Variants in MYO1H observed in about 807,000 individuals in gnomAD.
MYO1H encodes unconventional myosin-Ih.
In MYO1H, 118 loss-of-function variants were observed where a neutral mutation model predicts 149.3. The ratio of observed to expected loss-of-function variants is 0.79; its 90% confidence interval spans 0.68 to 0.92. MYO1H has a LOEUF of 0.92. MYO1H is among the 40% of genes least tolerant of loss of function. MYO1H has a pLI of 0.00. For missense variants in MYO1H, 1,212 were observed against 1,280.7 expected (o/e 0.95, Z 0.82); for synonymous variants, 447 against 465.2 (o/e 0.96, Z 0.50).
upstream of MYO1H, among the ~76,000 whole-genome samples, chr12:109,346,503 G>GT (rs1474528547): frequency 6.6e-6 from 1 of 152,234 alleles, no homozygotes; most frequent in Non-Finnish European, 1.5e-5. Context: ...GCCCACACCT[G>GT]TAATTCCAGC....
the MYO1H span, among the ~76,000 whole-genome samples, chr12:109,332,863 G>A: frequency 6.6e-6 from 1 of 152,150 alleles, no homozygotes; most frequent in Non-Finnish European, 1.5e-5. Flanking sequence ...GATTACAGGC[G>A]TGAGCCACCG....
the MYO1H span, among the ~76,000 whole-genome samples, chr12:109,327,257 A>G: frequency 6.7e-6 from 1 of 149,372 alleles, no homozygotes; most frequent in African/African-American, 2.5e-5. Context: ...TCAGCCTCCA[A>G]AGTAGCTGGG....
chr12:109,315,613 C>T, the MYO1H span, among the ~76,000 whole-genome samples: 1 of 152,200 alleles, frequency 6.6e-6, no homozygotes, highest in Non-Finnish European at 1.5e-5. Context: ...GTTGGCCACA[C>T]TAGGCCCACG....
At position 109,418,506 on chromosome 12, in the gene MYO1H, C is replaced by G. The variant is rs568378416; in HGVS notation, c.1598-2475C>G. Among the ~76,000 whole-genome samples the G allele has an allele frequency of 2.0e-4, 30 of 152,000 alleles. No homozygotes were observed. The Middle Eastern group carries it at 0.01, about 52-fold the overall frequency. On this transcript the variant is annotated intron_variant, in intron 15 of 31. Coordinates refer to ENST00000310903, the Ensembl canonical transcript of MYO1H. Reference sequence around the variant, plus strand: ...CTGGGATTATAGATGTCCGCCACCACGCCCAACTAATTTTTGTATTTTTAG... The same window carrying G: ...CTGGGATTATAGATGTCCGCCACCAGGCCCAACTAATTTTTGTATTTTTAG...
chr12:109,443,046 G>GTGTGTATATATGTGTACA (rs1555255545), intron 27 of MYO1H, among the ~76,000 whole-genome samples: 1 of 66,970 alleles, frequency 1.5e-5, no homozygotes, highest in African/African-American at 9.6e-5. Flanking sequence ...GTGTGTGTGT[G>GTGTGTATATATGTGTACA]TATATATGTG....
At chr12:109,437,224 A>G (rs2135595995) in intron 22 of MYO1H, among the ~76,000 whole-genome samples, 1 of 152,302 alleles carries the variant, frequency 6.6e-6, no homozygotes, top group East Asian at 1.9e-4. Context: ...CCACACGCAT[A>G]CATTTCTTGA....
intron 13 of MYO1H, among the ~76,000 whole-genome samples, chr12:109,411,064 C>A (rs77801564): frequency 6.6e-6 from 1 of 152,160 alleles, no homozygotes; most frequent in East Asian, 1.9e-4. Context: ...ATTGCTTGAA[C>A]CCCGGAGGCA....
intron 1 of MYO1H, among the ~76,000 whole-genome samples, chr12:109,366,417 G>A (rs7305165): frequency 0.49 from 74,763 of 151,986 alleles, 19,112 homozygotes; most frequent in African/African-American, 0.62. Flanking sequence ...GCAGGCTTGG[G>A]GAAGTCAGGG....
At chr12:109,398,303 C>T (rs549681155) in intron 5 of MYO1H, among the ~76,000 whole-genome samples, 3 of 152,304 alleles carry the variant, frequency 2.0e-5, no homozygotes, top group Admixed American at 6.5e-5. Flanking sequence ...AAATGTCCAT[C>T]GACAGGAGAA....
chr12:109,448,158 C>CTT (rs1448196754), exon 32 of MYO1H: 6 of 152,142 alleles, frequency 3.9e-5, no homozygotes, highest in Non-Finnish European at 8.8e-5. Flanking sequence ...GTGCTTTGGT[C>CTT]TTTATTTAGA....
the MYO1H span, among the ~76,000 whole-genome samples, chr12:109,316,343 C>T: frequency 6.6e-6 from 1 of 152,184 alleles, no homozygotes; most frequent in African/African-American, 2.4e-5. Context: ...AGTCTTACTA[C>T]TATTGTGTGT....
At chr12:109,337,636 C>A in the MYO1H span, among the ~76,000 whole-genome samples, 1 of 152,072 alleles carries the variant, frequency 6.6e-6, no homozygotes, top group African/African-American at 2.4e-5. Context: ...GAAAGACCTG[C>A]CCCCATGATT....
At chr12:109,380,048 A>T (rs1869171668) in intron 1 of MYO1H, among the ~76,000 whole-genome samples, 2 of 151,960 alleles carry the variant, frequency 1.3e-5, no homozygotes, top group Admixed American at 6.6e-5. Context: ...TTAACTTTTT[A>T]AAATTTTTAT....
At chr12:109,321,361 C>G in the MYO1H span, among the ~76,000 whole-genome samples, 1 of 151,956 alleles carries the variant, frequency 6.6e-6, no homozygotes, top group Non-Finnish European at 1.5e-5. Flanking sequence ...ACCAGCCTGG[C>G]CAATATGGTG....
intron 8 of MYO1H, among the ~76,000 whole-genome samples, chr12:109,406,377 G>T (rs968443603): frequency 6.7e-6 from 1 of 149,984 alleles, no homozygotes; most frequent in Non-Finnish European, 1.5e-5. Flanking sequence ...AAGGCAGGAG[G>T]ATCGCTTGAG....
chr12:109,446,195 G>A (rs1872471997), intron 31 of MYO1H: 15 of 984,480 alleles, frequency 1.5e-5, no homozygotes, highest in Non-Finnish European at 1.8e-5. Flanking sequence ...CCATGGCTAC[G>A]TTAGGGAGAA....
At chr12:109,433,489 C>G (rs1427713903) in intron 20 of MYO1H, among the ~76,000 whole-genome samples, 1 of 152,174 alleles carries the variant, frequency 6.6e-6, no homozygotes, top group African/African-American at 2.4e-5. Flanking sequence ...AGGCACAACT[C>G]AAGGGACATG....
At position 109,411,450 on chromosome 12, in the gene MYO1H, C is replaced by T. The variant is rs188062822; in HGVS notation, c.1411-444C>T. Among the ~76,000 whole-genome samples, 128 of 152,056 alleles carry T rather than the reference C, an allele frequency of 8.4e-4. 1 individual carries two copies. The highest frequency in any genetic ancestry group is 2.7e-3 in the African/African-American group (110 of 41,498). On this transcript the variant is annotated intron_variant, in intron 13 of 31. Transcript: ENST00000310903. Reference sequence around the variant, plus strand: ...AACTAAATGGTATCATTCTTGAGGACGAAAAATAGGAAATAGAAAAATGAA... The same window carrying T: ...AACTAAATGGTATCATTCTTGAGGATGAAAAATAGGAAATAGAAAAATGAA...
At chr12:109,355,537 T>C (rs1206098502) in intron 1 of MYO1H, among the ~76,000 whole-genome samples, 1 of 152,154 alleles carries the variant, frequency 6.6e-6, no homozygotes, top group African/African-American at 2.4e-5. Flanking sequence ...ACGATACCTG[T>C]CGAGCATGCA....
Sources: gnomAD v4.1 joint callset for allele counts (sites outside exome capture counted in the v4.1 genomes callset) on GRCh38, gnomAD v4.1.1 for gene constraint, MANE v1.5 for transcripts, NCBI Gene and HGNC (gene_info 2026-07-23, HGNC 2026-07-21) for gene names.